The following UQCRB variants were observed in gnomAD, a reference collection of about 807,000 sequenced individuals.
The protein encoded by UQCRB is cytochrome b-c1 complex subunit 7.
In UQCRB, 12 loss-of-function variants were observed where a neutral mutation model predicts 19.8. The ratio of observed to expected loss-of-function variants is 0.61; its 90% CI spans 0.39 to 0.98. The LOEUF is 0.98. UQCRB is among the 50% of genes least tolerant of loss of function. The pLI, the probability that UQCRB is intolerant of heterozygous loss-of-function variation, is 0.00. For synonymous variants in UQCRB, 39 were observed against 42.9 expected, an observed-to-expected ratio of 0.91 and a Z score of 0.35; for missense variants, 142 against 131.8, an observed-to-expected ratio of 1.08 and a Z score of -0.38.
Position 96,224,732 on chromosome 8 carries a change from A to G in UQCRB, c.*6323T>C, listed in dbSNP as rs933557770. On this transcript the variant is annotated 3_prime_UTR_variant, in exon 4 of 4. Coordinates refer to ENST00000287022, the MANE Select transcript of UQCRB (RefSeq NM_006294.5). The stretch of plus-strand genomic sequence containing the variant: ...CTCAAAAATATACTCTGCTCACACC[A>G]TATCCCTAAACTCCAGAGGGATTGA... 6.6e-6 allele frequency among the ~76,000 whole-genome samples: 1 copy of G among 152,184 alleles called. No individual in the cohort carries two copies. The highest frequency in any genetic ancestry group is 1.5e-5 in the Non-Finnish European group (1 of 68,030).
At position 96,230,855 on chromosome 8, in the gene UQCRB, T is replaced by C. The variant is rs1340743082; in HGVS notation, c.*200A>G. On this transcript the variant is annotated 3_prime_UTR_variant, in exon 4 of 4. Transcript: ENST00000287022. Reference sequence around the variant, plus strand: ...TAGCAGTTAAACACAACTAAATATATCTTGAAAGTTTGGAAAAAAATTTAA... The same window carrying C: ...TAGCAGTTAAACACAACTAAATATACCTTGAAAGTTTGGAAAAAAATTTAA... 2 of 713,354 alleles carry C rather than the reference T, an allele frequency of 2.8e-6. No individual in the cohort carries two copies. Among genetic ancestry groups the C allele is most frequent in the East Asian group, 5.6e-5 (2 of 35,734 alleles). 44.2% of individuals were successfully genotyped at this position (713,354 alleles called of 1,614,324 possible). A position where few individuals can be genotyped will look rare whatever the true frequency, so the allele number is the denominator to read the frequency against.
In UQCRB at chr8:96,226,114, A is replaced by T. The variant is rs1809521010; in HGVS notation, c.*4941T>A. 6.6e-6 allele frequency: 1 copy of T among 152,266 alleles called. No individual in the cohort carries two copies. Among genetic ancestry groups the T allele is most frequent in the Non-Finnish European group, 1.5e-5 (1 of 68,066 alleles). 9.4% of individuals were successfully genotyped at this position (152,266 alleles called of 1,614,324 possible). ...AGATTTCAACAGTGACGAGGCTGCT[A>T]TATTCTTCCTAGCTTCTGCCTAGCC... On this transcript the variant is annotated 3_prime_UTR_variant, in exon 4 of 4. Transcript: ENST00000287022.
At position 96,229,057 on chromosome 8, in the gene UQCRB, A is replaced by G. The variant is rs1809595602; in HGVS notation, c.*1998T>C. 2.2e-6 allele frequency: 1 copy of G among 454,116 alleles called. No homozygotes were observed. Among genetic ancestry groups the G allele is most frequent in the African/African-American group, 2.0e-5 (1 of 50,140 alleles). 28.1% of individuals were successfully genotyped at this position (454,116 alleles called of 1,614,324 possible). A position where few individuals can be genotyped will look rare whatever the true frequency, so the allele number is the denominator to read the frequency against. On this transcript the variant is annotated 3_prime_UTR_variant, in exon 4 of 4. Coordinates refer to ENST00000287022, the MANE Select transcript of UQCRB (RefSeq NM_006294.5). ...GATCTACTTTCTTAGTCTTCATAACAAGCAGGACGATAACCATAATTTATA... is the reference window on the plus strand; with the variant it reads ...GATCTACTTTCTTAGTCTTCATAACGAGCAGGACGATAACCATAATTTATA...
rs1333756837 is a variant in UQCRB, at chr8:96,230,250, T to C, written c.*805A>G. The C allele has an allele frequency of 2.4e-6, 1 of 423,842 alleles. No individual in the cohort carries two copies. Among genetic ancestry groups the C allele is most frequent in the East Asian group, 7.1e-5 (1 of 14,108 alleles). 26.3% of individuals were successfully genotyped at this position (423,842 alleles called of 1,614,324 possible). On this transcript the variant is annotated 3_prime_UTR_variant, in exon 4 of 4. Coordinates refer to ENST00000287022, the MANE Select transcript of UQCRB (RefSeq NM_006294.5). ...ACCATCACGCCTAGCTAATTTTTTG[T>C]ATTTTTAGTAGAGACAGGGTTTCAC...
In UQCRB at chr8:96,229,439, G is replaced by T; in HGVS notation, c.*1616C>A. On this transcript the variant is annotated 3_prime_UTR_variant, in exon 4 of 4. Coordinates refer to ENST00000287022, the MANE Select transcript of UQCRB (RefSeq NM_006294.5). ...ACACCTTGACAGTGCTCTTTGAGAT[G>T]CCTCAGTTGTAGTCTCCTTGTAATT... 1 of 454,132 alleles carries T rather than the reference G, an allele frequency of 2.2e-6. No individual in the cohort carries two copies. The highest frequency in any genetic ancestry group is 4.4e-6 in the Non-Finnish European group (1 of 226,798). 28.1% of individuals were successfully genotyped at this position (454,132 alleles called of 1,614,324 possible). A position where few individuals can be genotyped will look rare whatever the true frequency, so the allele number is the denominator to read the frequency against.
In UQCRB at chr8:96,230,232, C is replaced by A. The variant is rs28521094; in HGVS notation, c.*823G>T. 1.2e-5 allele frequency: 5 copies of A among 433,104 alleles called. No homozygotes were observed. The highest frequency in any genetic ancestry group is 4.1e-5 in the African/African-American group (2 of 48,988). 26.8% of individuals were successfully genotyped at this position (433,104 alleles called of 1,614,324 possible). A position where few individuals can be genotyped will look rare whatever the true frequency, so the allele number is the denominator to read the frequency against. ...CTGGGATTACAGGTGCCTACCATCA[C>A]GCCTAGCTAATTTTTTGTATTTTTA... On this transcript the variant is annotated 3_prime_UTR_variant, in exon 4 of 4. Coordinates refer to ENST00000287022, the MANE Select transcript of UQCRB (RefSeq NM_006294.5).
rs1809494682 is a variant in UQCRB, at chr8:96,224,448, T to C, written c.*6607A>G. Among the ~76,000 whole-genome samples, 2 of 152,298 alleles carry C rather than the reference T, an allele frequency of 1.3e-5. No homozygotes were observed. The highest frequency in any genetic ancestry group is 1.9e-4 in the East Asian group (1 of 5,170). ...GCCAGAAGGCAAAAGTGTCTATTTG[T>C]GCAGTCTTTACATCAATTTATCTCT... On this transcript the variant is annotated 3_prime_UTR_variant, in exon 4 of 4. Coordinates refer to ENST00000287022, the MANE Select transcript of UQCRB (RefSeq NM_006294.5).
intron 3 of UQCRB, 48 bp from the exon 4 acceptor site, chr8:96,231,180 T>C: frequency 6.2e-7 from 1 of 1,614,096 alleles, no homozygotes; most frequent in Non-Finnish European, 8.5e-7. Context: ...TACTGATATA[T>C]CCCAAACACT....
In UQCRB at chr8:96,224,000, T is replaced by G. The variant is rs1809488003; in HGVS notation, c.*7055A>C. Among the ~76,000 whole-genome samples the G allele has an allele frequency of 1.3e-5, 2 of 152,186 alleles. No homozygotes were observed. Among genetic ancestry groups the G allele is most frequent in the African/African-American group, 4.8e-5 (2 of 41,464 alleles). On this transcript the variant is annotated 3_prime_UTR_variant, in exon 4 of 4. Coordinates refer to ENST00000287022, the MANE Select transcript of UQCRB (RefSeq NM_006294.5). The stretch of plus-strand genomic sequence containing the variant: ...TGGAGTCTGACTCTGGGGCATGAGT[T>G]AGCTTACCTCAAAGAAGCAAGCTTT...
rs757667682 is a variant in UQCRB, at chr8:96,228,090, T to TGATA, written c.*2961_*2964dup. ...ACATCTTGACAACAGGAAGGCCAAG[T>TGATA]GATACTAGGTAGTGCACTACAACAG... is the stretch of plus-strand genomic sequence containing the variant. On this transcript the variant is annotated 3_prime_UTR_variant, in exon 4 of 4. Transcript: ENST00000287022. 8.8e-6 allele frequency: 4 copies of TGATA among 453,992 alleles called. No homozygotes were observed. The highest frequency in any genetic ancestry group is 1.8e-5 in the Non-Finnish European group (4 of 226,792). The allele number at this position is 453,992 out of a possible 1,614,324, so 28.1% of individuals were successfully genotyped here. A position where few individuals can be genotyped will look rare whatever the true frequency, so the allele number is the denominator to read the frequency against.
In UQCRB at chr8:96,227,186, A is replaced by G. The variant is rs1242744296; in HGVS notation, c.*3869T>C. The G allele has an allele frequency of 4.4e-6, 2 of 452,918 alleles. No homozygotes were observed. Among genetic ancestry groups the G allele is most frequent in the South Asian group, 3.1e-5 (2 of 64,306 alleles). 28.1% of individuals were successfully genotyped at this position (452,918 alleles called of 1,614,324 possible). A position where few individuals can be genotyped will look rare whatever the true frequency, so the allele number is the denominator to read the frequency against. On this transcript the variant is annotated 3_prime_UTR_variant, in exon 4 of 4. Transcript: ENST00000287022. ...TATGGTCATAACTGATTGAAGTAATAAAATCCTGAAACTAAATAACATCTC... is the reference window on the plus strand; with the variant it reads ...TATGGTCATAACTGATTGAAGTAATGAAATCCTGAAACTAAATAACATCTC...
Position 96,231,578 on chromosome 8 carries a change from TTCA to T in UQCRB, c.258+193_258+195del, listed in dbSNP as rs1271506174. On this transcript the variant is annotated intron_variant, in intron 3 of 3. Transcript: ENST00000287022. Reference sequence around the variant, plus strand: ...CTATATTAGAGACTTGCTTAGTAATTTCAGAAGAATCATTTCACACGTAAGACT... The same window carrying T: ...CTATATTAGAGACTTGCTTAGTAATTGAAGAATCATTTCACACGTAAGACT... The T allele has an allele frequency of 3.6e-6, 5 of 1,375,072 alleles. No homozygotes were observed. In the African/African-American group the frequency reaches 7.1e-5, roughly 20 times the overall value. 85.2% of individuals were successfully genotyped at this position (1,375,072 alleles called of 1,614,324 possible). A position where few individuals can be genotyped will look rare whatever the true frequency, so the allele number is the denominator to read the frequency against.
At chr8:96,232,163 G>T in intron 2 of UQCRB, 1 of 551,360 alleles carries the variant, frequency 1.8e-6, no homozygotes. Context: ...TTGATATAAT[G>T]GGTTACTTCT....
chr8:96,235,053 GTTATC>G (rs753362632), intron 1 of UQCRB: 4 of 269,532 alleles, frequency 1.5e-5, no homozygotes, highest in Non-Finnish European at 2.9e-5. Context: ...CTTTGCCTCA[GTTATC>G]TTATCAGCGT....
intron 3 of UQCRB, chr8:96,231,363 A>G: frequency 6.5e-7 from 1 of 1,543,066 alleles, no homozygotes; most frequent in East Asian, 2.4e-5. Flanking sequence ...AGAAAAAGAA[A>G]TGAATGTCCA....
At position 96,231,858 on chromosome 8, in the gene UQCRB, G is replaced by A; in HGVS notation, c.174C>T (p.Asp58=). Residue 58 remains aspartate (D), a synonymous_variant, in exon 3 of 4, where the codon GAC becomes GAT. Coordinates refer to ENST00000287022, the MANE Select transcript of UQCRB (RefSeq NM_006294.5). ...IRRLPENLYN[D]RMFRIKRALD... is the part of the protein sequence containing the mutation. ...GTGCCCTCTTAATGCGAAACATCCT[G>A]TCATTATAAAGGTTCTCAGGAAGTC... 6.2e-7 allele frequency: 1 copy of A among 1,614,054 alleles called. No individual in the cohort carries two copies. Among genetic ancestry groups the A allele is most frequent in the Non-Finnish European group, 8.5e-7 (1 of 1,180,014 alleles).
In UQCRB at chr8:96,224,249, G is replaced by A. The variant is rs1263258912; in HGVS notation, c.*6806C>T. Among the ~76,000 whole-genome samples the A allele has an allele frequency of 6.6e-6, 1 of 152,170 alleles. No individual in the cohort carries two copies. Among genetic ancestry groups the A allele is most frequent in the Non-Finnish European group, 1.5e-5 (1 of 68,040 alleles). ...AACCAACTTTGATAGAGATAGCAGA[G>A]TGGGGAGGGATGGAAGGGAGAGCTG... is the stretch of plus-strand genomic sequence containing the variant. On this transcript the variant is annotated 3_prime_UTR_variant, in exon 4 of 4. Transcript: ENST00000287022.
At position 96,230,558 on chromosome 8, in the gene UQCRB, CAT is replaced by C. The variant is rs1177017971; in HGVS notation, c.*495_*496del. On this transcript the variant is annotated 3_prime_UTR_variant, in exon 4 of 4. Transcript: ENST00000287022. ...TAACATCTTTTTGTTTTCTAGTATA[CAT>C]GTTAGCACAGGAGTATGTATATTAC... 4.4e-6 allele frequency: 2 copies of C among 454,054 alleles called. No individual in the cohort carries two copies. The highest frequency in any genetic ancestry group is 2.0e-5 in the African/African-American group (1 of 50,062). The allele number at this position is 454,054 out of a possible 1,614,324, so 28.1% of individuals were successfully genotyped here. A position where few individuals can be genotyped will look rare whatever the true frequency, so the allele number is the denominator to read the frequency against.
rs1484361004 is a variant in UQCRB, at chr8:96,229,224, T to C, written c.*1831A>G. 2.2e-6 allele frequency: 1 copy of C among 454,028 alleles called. No individual in the cohort carries two copies. The highest frequency in any genetic ancestry group is 4.4e-6 in the Non-Finnish European group (1 of 226,798). The allele number at this position is 454,028 out of a possible 1,614,324, so 28.1% of individuals were successfully genotyped here. On this transcript the variant is annotated 3_prime_UTR_variant, in exon 4 of 4. Coordinates refer to ENST00000287022, the MANE Select transcript of UQCRB (RefSeq NM_006294.5). ...TCTTACAAAATCAGAGGTTGCCTTA[T>C]GTAATACCACACTTTACCTTGAGCA... is the stretch of plus-strand genomic sequence containing the variant.
Sources: gnomAD v4.1 joint callset for allele counts (sites outside exome capture counted in the v4.1 genomes callset) on GRCh38, gnomAD v4.1.1 for gene constraint, MANE v1.5 for transcripts, NCBI Gene and HGNC (gene_info 2026-07-23, HGNC 2026-07-21) for gene names.